UGT1A5: variants seen among roughly 807,000 people sequenced by gnomAD.
UGT1A5 encodes UDP glucuronosyltransferase family 1 member A5.
In UGT1A5, 29 loss-of-function variants were observed where a neutral mutation model predicts 40.3. The observed-to-expected ratio is 0.72, with a 90% CI of 0.54 to 0.98. UGT1A5 has a LOEUF of 0.98. Among genes scored for constraint, UGT1A5 ranks in the 50% least tolerant of loss-of-function variants. UGT1A5 has a pLI of 0.00. For missense variants in UGT1A5, 678 were observed against 677.9 expected (o/e 1.00, Z 0.00); for synonymous variants, 257 against 262.5 (o/e 0.98, Z 0.20).
At position 233,718,978 on chromosome 2, in the gene UGT1A5, C is replaced by G. The variant is rs200639166; in HGVS notation, c.867+5120C>G. 2.5e-6 allele frequency: 4 copies of G among 1,614,214 alleles called. No individual in the cohort carries two copies. Among genetic ancestry groups the G allele is most frequent in the Admixed American group, 3.3e-5 (2 of 60,032 alleles). The stretch of plus-strand genomic sequence containing the variant: ...CGGGAGGCCTTGCGGGAGCTCCATG[C>G]CAGAGGCCACCAGGCGGTGGTCCTC... On this transcript the variant is annotated intron_variant, in intron 1 of 4. Coordinates refer to ENST00000373414, the MANE Select transcript of UGT1A5 (RefSeq NM_019078.2).
At position 233,750,184 on chromosome 2, in the gene UGT1A5, G is replaced by A. The variant is rs569592101; in HGVS notation, c.868-16850G>A. Among the ~76,000 whole-genome samples, 93 of 151,970 alleles carry A rather than the reference G, an allele frequency of 6.1e-4. 1 individual carries two copies. The South Asian group carries it at 0.019, about 32-fold the overall frequency. ...TTTTGACCAAAATGCTGATAATGTT[G>A]TGGACAATGAAGTCCAGGCTGAGTC... is the stretch of plus-strand genomic sequence containing the variant. On this transcript the variant is annotated intron_variant, in intron 1 of 4. Transcript: ENST00000373414.
At chr2:233,729,480 C>G in intron 1 of UGT1A5, 1 of 1,614,164 alleles carries the variant, frequency 6.2e-7, no homozygotes, top group South Asian at 1.1e-5. Context: ...CAATGTTGAA[C>G]AATATGTCTT....
chr2:233,724,364 G>A lies in UGT1A5; in HGVS notation c.867+10506G>A, dbSNP rs1172748596. Among the ~76,000 whole-genome samples the A allele has an allele frequency of 6.2e-5, 9 of 145,640 alleles. 1 individual carries two copies. Among genetic ancestry groups the A allele is most frequent in the Admixed American group, 2.7e-4 (4 of 14,670 alleles). ...GACCCCCCCCACCTCCCTCCCGGAC[G>A]GGGTGGCTGCCGGGCGGAGACGCTC... On this transcript the variant is annotated intron_variant, in intron 1 of 4. Coordinates refer to ENST00000373414, the MANE Select transcript of UGT1A5 (RefSeq NM_019078.2).
At chr2:233,736,092 T>A (rs2078731726) in intron 1 of UGT1A5, among the ~76,000 whole-genome samples, 1 of 152,262 alleles carries the variant, frequency 6.6e-6, no homozygotes. Flanking sequence ...CTGGATAATA[T>A]CCTGAAGAGT....
At chr2:233,715,304 G>A (rs1362641009) in intron 1 of UGT1A5, among the ~76,000 whole-genome samples, 1 of 152,110 alleles carries the variant, frequency 6.6e-6, no homozygotes, top group Non-Finnish European at 1.5e-5. Flanking sequence ...CTCTTGAATA[G>A]GTTTTGCTTT....
rs45449797 is a variant in UGT1A5 at position 233,730,263 on chromosome 2, G to T, written c.867+16405G>T. On this transcript the variant is annotated intron_variant, in intron 1 of 4. Coordinates refer to ENST00000373414, the MANE Select transcript of UGT1A5 (RefSeq NM_019078.2). ...ACTGGTGTGACTCATAGAGACTGTTGGTTTGTAAAGGCACCATCTTCATGG... is the reference window on the plus strand; with the variant it reads ...ACTGGTGTGACTCATAGAGACTGTTTGTTTGTAAAGGCACCATCTTCATGG... Among the ~76,000 whole-genome samples, 819 of 152,182 alleles carry T rather than the reference G, an allele frequency of 5.4e-3. 8 individuals carry two copies. The highest frequency in any genetic ancestry group is 0.019 in the African/African-American group (780 of 41,512).
intron 1 of UGT1A5, among the ~76,000 whole-genome samples, chr2:233,720,871 ATTTT>A (rs60621337): frequency 2.3e-5 from 3 of 132,772 alleles, no homozygotes; most frequent in African/African-American, 8.6e-5. Flanking sequence ...GCTCCTGGCA[ATTTT>A]TTTTTTTTTT....
intron 4 of UGT1A5, 35 bp downstream of exon 4, chr2:233,768,474 T>C (rs1361024311): frequency 6.3e-7 from 1 of 1,597,622 alleles, no homozygotes; most frequent in Non-Finnish European, 8.5e-7. Flanking sequence ...ACTTTGGTCA[T>C]GGCATTCATG....
chr2:233,749,787 A>C (rs1694273187), intron 1 of UGT1A5, among the ~76,000 whole-genome samples: 1 of 151,760 alleles, frequency 6.6e-6, no homozygotes, highest in African/African-American at 2.4e-5. Context: ...ATAAGGGGCC[A>C]TTGTCCCTTC....
At chr2:233,742,476 C>T (rs1691992737) in intron 1 of UGT1A5, among the ~76,000 whole-genome samples, 1 of 151,926 alleles carries the variant, frequency 6.6e-6, no homozygotes, top group Non-Finnish European at 1.5e-5. Flanking sequence ...AGTAAACTCA[C>T]AACCTTCAGC....
chr2:233,763,791 A>T (rs995019532), intron 1 of UGT1A5, among the ~76,000 whole-genome samples: 41 of 152,200 alleles, frequency 2.7e-4, no homozygotes, highest in African/African-American at 9.9e-4. Flanking sequence ...TTGGGAGAAA[A>T]GGAATGAAAC....
intron 1 of UGT1A5, chr2:233,729,350 T>A (rs751106111): frequency 2.5e-6 from 4 of 1,614,098 alleles, no homozygotes; most frequent in Non-Finnish European, 3.4e-6. Context: ...GAGAACTTTT[T>A]CACCCTGACA....
intron 1 of UGT1A5, among the ~76,000 whole-genome samples, chr2:233,714,126 C>A (rs866787079): frequency 6.6e-6 from 1 of 152,016 alleles, no homozygotes; most frequent in Middle Eastern, 3.2e-3. Context: ...GGAGACTGTT[C>A]GTTTGTAAAA....
chr2:233,738,229 G>GCTCC lies in UGT1A5; in HGVS notation c.867+24372_867+24373insTCCC, dbSNP rs56839564. ...CTGCCAGGATTATAAGTTTCCTGAGGCCCCTCCAGCCACATGGAACTGGAG... is the reference window on the plus strand; with the variant it reads ...CTGCCAGGATTATAAGTTTCCTGAGGCTCCCCCCTCCAGCCACATGGAACTGGAG... On this transcript the variant is annotated intron_variant, in intron 1 of 4. Transcript: ENST00000373414. Among the ~76,000 whole-genome samples, 1,480 of 152,188 alleles carry GCTCC rather than the reference G, an allele frequency of 9.7e-3. 33 individuals are homozygous for GCTCC. The highest frequency in any genetic ancestry group is 0.033 in the African/African-American group (1,389 of 41,506).
Position 233,767,734 on chromosome 2 carries a change from ACT to A in UGT1A5, c.1000-112_1000-111del, listed in dbSNP as rs1191822668. On this transcript the variant is annotated intron_variant, in intron 2 of 4. Coordinates refer to ENST00000373414, the MANE Select transcript of UGT1A5 (RefSeq NM_019078.2). Reference sequence around the variant, plus strand: ...AGCCTTCACAGTTACTGATCCTCCCACTCTGTTAAAGACTGTTCCTTCAGAGG... The same window carrying A: ...AGCCTTCACAGTTACTGATCCTCCCACTGTTAAAGACTGTTCCTTCAGAGG... 4 of 1,567,824 alleles carry A rather than the reference ACT, an allele frequency of 2.6e-6. No homozygotes were observed. The Admixed American group carries it at 7.4e-5, about 29-fold the overall frequency.
chr2:233,753,118 A>G (rs1695134024), intron 1 of UGT1A5: 1 of 152,220 alleles, frequency 6.6e-6, no homozygotes, highest in Non-Finnish European at 1.5e-5. Context: ...CATCCCCAGC[A>G]AACTACTCAG....
chr2:233,769,533 A>G lies in UGT1A5; in HGVS notation c.1307+1094A>G. The G allele has an allele frequency of 6.2e-7, 1 of 1,612,916 alleles. No homozygotes were observed. The highest frequency in any genetic ancestry group is 8.5e-7 in the Non-Finnish European group (1 of 1,179,872). On this transcript the variant is annotated intron_variant, in intron 4 of 4. Transcript: ENST00000373414. The surrounding 1 kb of genome is among the most constrained non-coding windows in gnomAD (Gnocchi z 4.4). Reference sequence around the variant, plus strand: ...TCTCCCATGGTTACCTCCTTTAGAAAGAAGCAGCAGTCAGGAAGACAGATG... The same window carrying G: ...TCTCCCATGGTTACCTCCTTTAGAAGGAAGCAGCAGTCAGGAAGACAGATG...
chr2:233,767,737 C>A, intron 2 of UGT1A5, 112 bp from the exon 3 acceptor site: 1 of 1,571,400 alleles, frequency 6.4e-7, no homozygotes, highest in South Asian at 1.2e-5. Context: ...TCCTCCCACT[C>A]TGTTAAAGAC....
chr2:233,753,212 A>G (rs1264665367), intron 1 of UGT1A5: 1 of 152,196 alleles, frequency 6.6e-6, no homozygotes, highest in Non-Finnish European at 1.5e-5. Context: ...AGTCTGTCTT[A>G]TTTTGATACT....
Sources: gnomAD v4.1 joint callset for allele counts (sites outside exome capture counted in the v4.1 genomes callset) on GRCh38, gnomAD v4.1.1 for gene constraint, Gnocchi (gnomAD v3.1) non-coding constraint, MANE v1.5 for transcripts, NCBI Gene and HGNC (gene_info 2026-07-23, HGNC 2026-07-21) for gene names.